The following BORCS8 variants were observed in gnomAD, a reference collection of about 807,000 sequenced individuals.
The protein encoded by BORCS8 is BLOC-1 related complex subunit 8.
A neutral mutation model predicts 18.7 loss-of-function variants in BORCS8; 13 were observed. The ratio of observed to expected loss-of-function variants is 0.70; its 90% CI spans 0.45 to 1.11. BORCS8 has a LOEUF of 1.11. Ranked by LOEUF, BORCS8 falls within the 50% of genes least tolerant of loss-of-function variation. The pLI, the probability that BORCS8 is intolerant of heterozygous loss-of-function variation, is 0.00. For synonymous variants in BORCS8, 68 were observed against 64.8 expected, an observed-to-expected ratio of 1.05 and a Z score of -0.24; for missense variants, 165 against 165.7, an observed-to-expected ratio of 1.00 and a Z score of 0.02.
intron 5 of BORCS8, chr19:19,180,182 G>A (rs1349055587): frequency 5.9e-6 from 1 of 170,418 alleles, no homozygotes; most frequent in Non-Finnish European, 1.3e-5. Context: ...CACCCTCTTG[G>A]TCACCTGAGA....
intron 3 of BORCS8, among the ~76,000 whole-genome samples, chr19:19,184,639 GC>G (rs1249327777): frequency 6.6e-6 from 1 of 152,080 alleles, no homozygotes; most frequent in Non-Finnish European, 1.5e-5. Context: ...TTGTTCTGTT[GC>G]CCAGGCTGGA....
chr19:19,190,085 T>A (rs1470565404), intron 1 of BORCS8, among the ~76,000 whole-genome samples: 1 of 152,084 alleles, frequency 6.6e-6, no homozygotes, highest in Non-Finnish European at 1.5e-5. Flanking sequence ...AAATGTCACC[T>A]CCTGGGCAAG....
At chr19:19,187,514 T>A (rs552225138) in intron 1 of BORCS8, among the ~76,000 whole-genome samples, 1 of 149,490 alleles carries the variant, frequency 6.7e-6, no homozygotes, top group African/African-American at 2.4e-5. Context: ...GAGGACATAA[T>A]GAGTGATGAG....
chr19:19,189,943 T>C (rs953039936), intron 1 of BORCS8, among the ~76,000 whole-genome samples: 24 of 152,116 alleles, frequency 1.6e-4, no homozygotes, highest in Admixed American at 9.8e-4. Context: ...AATGCCCGTA[T>C]GTGACCAGTT....
Position 19,180,754 on chromosome 19 carries a change from C to T in BORCS8, c.334G>A (p.Glu112Lys), listed in dbSNP as rs1305862189. 1 of 1,548,212 alleles carries T rather than the reference C, an allele frequency of 6.5e-7. No individual in the cohort carries two copies. Among genetic ancestry groups the T allele is most frequent in the Non-Finnish European group, 8.7e-7 (1 of 1,145,682 alleles). The change falls in exon 5 of 6, where the codon GAA becomes AAA. Residue 112 changes from glutamate to lysine, a missense_variant. Physicochemically the swap from Glu to Lys is moderately conservative, Grantham distance 56. Transcript: ENST00000462790. ...CAGGCTGAGGAGGGCGGGGGTGGTTCCTCCGGGCTGCAACAAAACATGTGC... is the reference window on the plus strand; with the variant it reads ...CAGGCTGAGGAGGGCGGGGGTGGTTTCTCCGGGCTGCAACAAAACATGTGC... ...NASAQGHSPE[E>K]PPPPSSA
intron 1 of BORCS8, among the ~76,000 whole-genome samples, chr19:19,191,449 G>T (rs1017524971): frequency 6.8e-5 from 10 of 146,164 alleles, no homozygotes; most frequent in African/African-American, 2.6e-4. Flanking sequence ...CCATGATCGC[G>T]CCACCGCACC....
chr19:19,184,761 G>C (rs911799977), intron 3 of BORCS8, among the ~76,000 whole-genome samples: 1 of 151,604 alleles, frequency 6.6e-6, no homozygotes, highest in Admixed American at 6.6e-5. Context: ...CACCAGGCTC[G>C]GCTAGTTTTT....
At chr19:19,187,072 G>T in intron 1 of BORCS8, 67 bp from the exon 2 acceptor site, 1 of 1,268,892 alleles carries the variant, frequency 7.9e-7, no homozygotes. Context: ...CATTGCTCAA[G>T]TGTTGAGCCC....
At chr19:19,191,064 G>A (rs562203405) in intron 1 of BORCS8, among the ~76,000 whole-genome samples, 18 of 152,168 alleles carry the variant, frequency 1.2e-4, no homozygotes, top group African/African-American at 4.3e-4. Flanking sequence ...TTAAAGTATA[G>A]GGGATTAGCT....
At chr19:19,180,463 G>C in intron 5 of BORCS8, 1 of 586,714 alleles carries the variant, frequency 1.7e-6, no homozygotes, top group South Asian at 2.0e-5. Context: ...GAGGAAGGTG[G>C]TGGAGAGAGA....
At chr19:19,180,313 C>T (rs765751136) in intron 5 of BORCS8, 15 of 245,210 alleles carry the variant, frequency 6.1e-5, no homozygotes, top group East Asian at 4.8e-4. Flanking sequence ...TTGCCCATGC[C>T]GGGCTCTGCC....
At chr19:19,192,052 C>G (rs1171121434) in intron 1 of BORCS8, 29 bp downstream of exon 1, 2 of 1,551,266 alleles carry the variant, frequency 1.3e-6, no homozygotes, top group South Asian at 1.2e-5. Flanking sequence ...TTACCGGCCC[C>G]CTCTGTCCCG....
chr19:19,180,579 G>T, intron 5 of BORCS8, 107 bp downstream of exon 5: 1 of 792,650 alleles, frequency 1.3e-6, no homozygotes. Flanking sequence ...CAAGCCCAGT[G>T]AGAAACCCCA....
rs1555777396 is a variant in BORCS8, at chr19:19,177,689, G to GAA, written c.*43-231_*43-230dup. The GAA allele has an allele frequency of 5.6e-3, 320 of 57,120 alleles. 8 individuals carry two copies. The highest frequency in any genetic ancestry group is 0.018 in the East Asian group (23 of 1,252). The allele number at this position is 57,120 out of a possible 1,614,324, so 3.5% of individuals were successfully genotyped here. A position where few individuals can be genotyped will look rare whatever the true frequency, so the allele number is the denominator to read the frequency against. ...GGAAGGAAGGAAGGAAGGAAGGAAG[G>GAA]AAGGAAGAGAAAAGAAAAGAAAAGA... On this transcript the variant is annotated intron_variant, in intron 5 of 5. Transcript: ENST00000462790.
intron 1 of BORCS8, among the ~76,000 whole-genome samples, chr19:19,190,684 A>AGGCTGAGGCAGGAGAAACACT (rs1359298546): frequency 2.0e-5 from 3 of 152,176 alleles, no homozygotes; most frequent in Non-Finnish European, 4.4e-5. Flanking sequence ...GCTATTCGGG[A>AGGCTGAGGCAGGAGAAACACT]GGCTGAGGCA....
Position 19,182,618 on chromosome 19 carries a change from G to T in BORCS8, c.281C>A (p.Ala94Asp). The T allele has an allele frequency of 6.4e-7, 1 of 1,551,302 alleles. No homozygotes were observed. Among genetic ancestry groups the T allele is most frequent in the Non-Finnish European group, 8.7e-7 (1 of 1,146,922 alleles). ...ATTCATATGGTCCCGGATGCTGATG[G>T]CCTGTTTGAGCAGACCCTCCACGCT... is the stretch of plus-strand genomic sequence containing the variant. ...FRSVEGLLKQAISIRDHMNAS... is the reference protein window; with the variant it reads ...FRSVEGLLKQDISIRDHMNAS... Residue 94 changes from alanine to aspartate, a missense_variant, in exon 4 of 6, where the codon GCC (alanine) becomes GAC (aspartate). Ala to Asp is a moderately radical substitution (Grantham distance 126, BLOSUM62 -2). Coordinates refer to ENST00000462790, the MANE Select transcript of BORCS8 (RefSeq NM_001145784.2). This position sits in a 1 kb window ranked among gnomAD's most constrained non-coding sequence, Gnocchi z 4.1.
At chr19:19,180,650 C>G in intron 5 of BORCS8, 36 bp downstream of exon 5, 1 of 1,413,326 alleles carries the variant, frequency 7.1e-7, no homozygotes, top group Non-Finnish European at 9.8e-7. Context: ...TAGTTCAGAG[C>G]AGAGAGAGAG....
At position 19,182,447 on chromosome 19, in the gene BORCS8, C is replaced by T. The variant is rs1400809283; in HGVS notation, c.326+126G>A. The T allele has an allele frequency of 2.1e-6, 3 of 1,446,440 alleles. No homozygotes were observed. Among genetic ancestry groups the T allele is most frequent in the Non-Finnish European group, 2.7e-6 (3 of 1,100,536 alleles). The allele number at this position is 1,446,440 out of a possible 1,614,324, so 89.6% of individuals were successfully genotyped here. On this transcript the variant is annotated intron_variant, in intron 4 of 5. Transcript: ENST00000462790. The surrounding 1 kb of genome is among the most constrained non-coding windows in gnomAD (Gnocchi z 4.1). Reference sequence around the variant, plus strand: ...GATGCCACAGGACAAGAGGAGGTCACCAGACACCAGGACAAAAGGAAAGAG... The same window carrying T: ...GATGCCACAGGACAAGAGGAGGTCATCAGACACCAGGACAAAAGGAAAGAG...
intron 4 of BORCS8, among the ~76,000 whole-genome samples, chr19:19,181,669 A>T (rs891633460): frequency 2.6e-5 from 4 of 152,226 alleles, no homozygotes; most frequent in African/African-American, 9.6e-5. Context: ...GAGCCCAGAT[A>T]AACCCTTCAT....
Sources: allele counts gnomAD v4.1 joint callset (sites outside exome capture counted in the v4.1 genomes callset), GRCh38; gene constraint gnomAD v4.1.1; non-coding constraint Gnocchi (gnomAD v3.1); transcripts MANE v1.5; gene names NCBI Gene and HGNC (gene_info 2026-07-23, HGNC 2026-07-21).